Variants in FAM151B observed in about 807,000 individuals in gnomAD.
FAM151B encodes protein FAM151B.
Under a neutral mutation model 31.2 loss-of-function variants are expected in FAM151B, and 24 were observed. The observed-to-expected ratio is 0.77, with a 90% CI of 0.56 to 1.08. The LOEUF is 1.08. Ranked by LOEUF, FAM151B falls within the 50% of genes least tolerant of loss-of-function variation. FAM151B has a pLI of 0.00. For missense variants in FAM151B, 293 were observed against 328.6 expected, an observed-to-expected ratio of 0.89 and a Z score of 0.84; for synonymous variants, 105 against 111.4, an observed-to-expected ratio of 0.94 and a Z score of 0.36.
Position 80,541,719 on chromosome 5 carries a change from G to C in FAM151B, c.718G>C (p.Glu240Gln). 6.2e-7 allele frequency: 1 copy of C among 1,613,658 alleles called. No homozygotes were observed. The highest frequency in any genetic ancestry group is 8.5e-7 in the Non-Finnish European group (1 of 1,179,780). Residue 240 changes from glutamate to glutamine, a missense_variant, in exon 6 of 6, where the codon GAA (glutamate) becomes CAA (glutamine). Coordinates refer to ENST00000282226, the MANE Select transcript of FAM151B (RefSeq NM_205548.3). ...WTGKNDNYSV[E>Q]DLLYIRDHFD... ...TGGAAAAAATGATAACTATTCCGTT[G>C]AAGATTTACTTTACATTAGAGACCA...
intron 5 of FAM151B, among the ~76,000 whole-genome samples, chr5:80,529,423 C>T (rs1463411203): frequency 1.3e-5 from 2 of 151,948 alleles, no homozygotes; most frequent in East Asian, 1.9e-4. Flanking sequence ...CACAAAAAAC[C>T]CTTCAAAAAA....
rs1340974002 is a variant in FAM151B at position 80,513,618 on chromosome 5, A to T, written c.166A>T (p.Ile56Leu). ...NEALKSTAHM[I>L]EADVLLPSDG... ...TATTTGGACAGGTACTGCTCACATG[A>T]TAGAGGCTGATGTCCTTCTTCCAAG... is the stretch of plus-strand genomic sequence containing the variant. The change falls in exon 3 of 6, where the codon ATA (isoleucine) becomes TTA (leucine). Residue 56 changes from isoleucine to leucine, a missense_variant. Transcript: ENST00000282226. 6.2e-7 allele frequency: 1 copy of T among 1,613,234 alleles called. No individual in the cohort carries two copies. The highest frequency in any genetic ancestry group is 8.5e-7 in the Non-Finnish European group (1 of 1,179,814).
At chr5:80,497,872 A>G (rs1247122512) in intron 1 of FAM151B, among the ~76,000 whole-genome samples, 2 of 152,134 alleles carry the variant, frequency 1.3e-5, no homozygotes, top group Non-Finnish European at 1.5e-5. Context: ...CAGCACACCA[A>G]CATGGCACAT....
At chr5:80,495,054 A>G (rs913903753) in intron 1 of FAM151B, 1 of 152,206 alleles carries the variant, frequency 6.6e-6, no homozygotes, top group Admixed American at 6.5e-5. Context: ...GTGCTCTAGA[A>G]ACGTAACAAC....
At chr5:80,525,078 G>A (rs755911284) in intron 5 of FAM151B, among the ~76,000 whole-genome samples, 1 of 152,196 alleles carries the variant, frequency 6.6e-6, no homozygotes, top group Non-Finnish European at 1.5e-5. Context: ...ACAGCATTAA[G>A]CAAAGAGCCT....
chr5:80,488,919 G>T (rs990433402), intron 1 of FAM151B, among the ~76,000 whole-genome samples: 3 of 151,954 alleles, frequency 2.0e-5, no homozygotes, highest in Non-Finnish European at 2.9e-5. Context: ...AAGTATATTA[G>T]TATAGGGAAA....
chr5:80,500,999 C>A, intron 1 of FAM151B: 1 of 603,330 alleles, frequency 1.7e-6, no homozygotes, highest in Admixed American at 2.8e-5. Flanking sequence ...AAGAAAAAGA[C>A]CATCCATTTT....
chr5:80,516,127 C>A (rs754981124), intron 3 of FAM151B, among the ~76,000 whole-genome samples: 1 of 152,170 alleles, frequency 6.6e-6, no homozygotes, highest in Non-Finnish European at 1.5e-5. Context: ...GAGTTCTAGA[C>A]CAGCCTGACC....
At chr5:80,520,766 C>G (rs1481286771) in intron 4 of FAM151B, among the ~76,000 whole-genome samples, 1 of 139,620 alleles carries the variant, frequency 7.2e-6, no homozygotes, top group African/African-American at 2.6e-5. Flanking sequence ...TACATAGATA[C>G]TTTTTTTTCA....
intron 1 of FAM151B, chr5:80,500,450 A>T: frequency 1.0e-6 from 1 of 974,686 alleles, no homozygotes. Flanking sequence ...TACCCAAAAG[A>T]TGCTTTGAAA....
chr5:80,488,540 C>G (rs1040151778), intron 1 of FAM151B, among the ~76,000 whole-genome samples: 5 of 152,334 alleles, frequency 3.3e-5, no homozygotes, highest in African/African-American at 9.6e-5. Context: ...CGGACTGGGC[C>G]GGGCCCGGCA....
intron 1 of FAM151B, among the ~76,000 whole-genome samples, chr5:80,491,139 C>T (rs1411729996): frequency 6.6e-6 from 1 of 152,108 alleles, no homozygotes; most frequent in Non-Finnish European, 1.5e-5. Context: ...ACATACTTAT[C>T]ATTTCTTTGT....
At chr5:80,498,784 C>CAAGATG in intron 1 of FAM151B, 2 of 527,542 alleles carry the variant, frequency 3.8e-6, no homozygotes, top group South Asian at 3.1e-5. Flanking sequence ...AGTCTCAACC[C>CAAGATG]AAGATGAAGA....
chr5:80,541,485 G>GT (rs1212707652), intron 5 of FAM151B, among the ~76,000 whole-genome samples, 188 bp from the exon 6 acceptor site: 2 of 152,288 alleles, frequency 1.3e-5, no homozygotes, highest in Middle Eastern at 3.4e-3. Flanking sequence ...CAGTATGAAT[G>GT]TTTTTTTGTC....
intron 1 of FAM151B, among the ~76,000 whole-genome samples, chr5:80,494,236 A>G (rs1306591368): frequency 6.6e-6 from 1 of 152,204 alleles, no homozygotes; most frequent in Non-Finnish European, 1.5e-5. Flanking sequence ...TGAGAAGTGC[A>G]GAAGCTACAG....
At chr5:80,537,591 A>G (rs1745578435) in intron 5 of FAM151B, among the ~76,000 whole-genome samples, 1 of 152,156 alleles carries the variant, frequency 6.6e-6, no homozygotes, top group African/African-American at 2.4e-5. Flanking sequence ...AAAAACTCCT[A>G]TTCTGCAGTT....
chr5:80,488,863 C>T (rs1206228370), intron 1 of FAM151B, among the ~76,000 whole-genome samples: 1 of 151,572 alleles, frequency 6.6e-6, no homozygotes, highest in East Asian at 1.9e-4. Context: ...TGTGTGTAAG[C>T]GAAAAATGTC....
chr5:80,525,594 C>T (rs1422524035), intron 5 of FAM151B, among the ~76,000 whole-genome samples: 1 of 152,132 alleles, frequency 6.6e-6, no homozygotes, highest in Non-Finnish European at 1.5e-5. Context: ...AGGATCTTCT[C>T]CAACGGTCAT....
chr5:80,525,966 G>GTA (rs759504479), intron 5 of FAM151B, among the ~76,000 whole-genome samples: 78 of 151,578 alleles, frequency 5.1e-4, no homozygotes, highest in Admixed American at 1.3e-3. Context: ...TACTAGGTGT[G>GTA]TATATATATA....
Sources: gnomAD v4.1 joint callset for allele counts (sites outside exome capture counted in the v4.1 genomes callset) on GRCh38, gnomAD v4.1.1 for gene constraint, MANE v1.5 for transcripts, NCBI Gene and HGNC (gene_info 2026-07-23, HGNC 2026-07-21) for gene names.